The following COL5A1 variants were observed in gnomAD, a reference collection of about 807,000 sequenced individuals.
COL5A1 encodes collagen alpha-1(V) chain.
A neutral mutation model predicts 263.7 loss-of-function variants in COL5A1; 16 were observed. That is an observed-to-expected ratio of 0.06 (90% CI 0.04 to 0.09). COL5A1 has a LOEUF of 0.09. Among genes scored for constraint, COL5A1 ranks in the 10% least tolerant of loss-of-function variants. The probability of loss-of-function intolerance (pLI) is 1.00; values close to 1 mark genes in which losing one functional copy is unlikely to be tolerated. For missense variants in COL5A1, 2,036 were observed against 2,540.5 expected, an observed-to-expected ratio of 0.80 and a Z score of 4.27; for synonymous variants, 1,012 against 1,004.5, an observed-to-expected ratio of 1.01 and a Z score of -0.14.
chr9:134,767,760 C>G (rs909243309), intron 24 of COL5A1, among the ~76,000 whole-genome samples: 1 of 152,214 alleles, frequency 6.6e-6, no homozygotes, highest in Non-Finnish European at 1.5e-5. Flanking sequence ...CTACTGTGTC[C>G]TAGGCCCTGG....
chr9:134,808,519 G>C (rs899433657), intron 42 of COL5A1, among the ~76,000 whole-genome samples: 7 of 152,206 alleles, frequency 4.6e-5, no homozygotes, highest in Non-Finnish European at 8.8e-5. Context: ...ACATGTCAGT[G>C]TGCTTCTTTA....
At chr9:134,759,201 ACAC>A (rs1836111591) in intron 18 of COL5A1, among the ~76,000 whole-genome samples, 1 of 150,214 alleles carries the variant, frequency 6.7e-6, no homozygotes, top group South Asian at 2.1e-4. Flanking sequence ...ATGTGAGTGC[ACAC>A]CCCCCATGCA....
chr9:134,763,365 G>C (rs1429253043), intron 19 of COL5A1, among the ~76,000 whole-genome samples: 2 of 152,228 alleles, frequency 1.3e-5, no homozygotes, highest in Non-Finnish European at 2.9e-5. Flanking sequence ...CTGATGCCCT[G>C]TCCTGCCCCA....
intron 11 of COL5A1, among the ~76,000 whole-genome samples, chr9:134,744,465 A>G (rs187923301): frequency 6.6e-6 from 1 of 151,808 alleles, no homozygotes. Flanking sequence ...ACACTCACCT[A>G]TACATACACG....
rs1264898157 is a variant in COL5A1, at chr9:134,686,603, C to T, written c.110-4309C>T. Among the ~76,000 whole-genome samples the T allele has an allele frequency of 2.0e-5, 3 of 152,150 alleles. No individual in the cohort carries two copies. The highest frequency in any genetic ancestry group is 4.4e-5 in the Non-Finnish European group (3 of 68,038). Reference sequence around the variant, plus strand: ...TCTTCCTTAAAACTGACCTTGCTGGCGTCCATTCCTTTATAGGTCTGGGGA... The same window carrying T: ...TCTTCCTTAAAACTGACCTTGCTGGTGTCCATTCCTTTATAGGTCTGGGGA... On this transcript the variant is annotated intron_variant, in intron 1 of 65. Coordinates refer to ENST00000371817, the MANE Select transcript of COL5A1 (RefSeq NM_000093.5). This position sits in a 1 kb window ranked among gnomAD's most constrained non-coding sequence, Gnocchi z 4.6.
chr9:134,764,221 TA>T (rs1836574762), intron 20 of COL5A1, among the ~76,000 whole-genome samples: 1 of 92,086 alleles, frequency 1.1e-5, no homozygotes, highest in African/African-American at 4.3e-5. Flanking sequence ...GTAGGGGGTC[TA>T]GGGGCAACAT....
At position 134,758,943 on chromosome 9, in the gene COL5A1, A is replaced by G. The variant is rs1448605815; in HGVS notation, c.1935+647A>G. Among the ~76,000 whole-genome samples, 1 of 152,132 alleles carries G rather than the reference A, an allele frequency of 6.6e-6. No homozygotes were observed. The highest frequency in any genetic ancestry group is 1.5e-5 in the Non-Finnish European group (1 of 68,024). ...GCCCCTCGAATCTTGAATCTGTCTCAATAGACTGTGGTCTTCTTTCAATAA... is the reference window on the plus strand; with the variant it reads ...GCCCCTCGAATCTTGAATCTGTCTCGATAGACTGTGGTCTTCTTTCAATAA... On this transcript the variant is annotated intron_variant, in intron 18 of 65. Coordinates refer to ENST00000371817, the MANE Select transcript of COL5A1 (RefSeq NM_000093.5). The surrounding 1 kb of genome is among the most constrained non-coding windows in gnomAD (Gnocchi z 4.1).
intron 4 of COL5A1, among the ~76,000 whole-genome samples, chr9:134,706,444 T>C (rs1833841295): frequency 6.6e-6 from 1 of 152,186 alleles, no homozygotes; most frequent in Non-Finnish European, 1.5e-5. Flanking sequence ...GCATGGGGCA[T>C]CCTGCAGAAG....
At chr9:134,659,165 G>C (rs557542055) in intron 1 of COL5A1, among the ~76,000 whole-genome samples, 2 of 149,134 alleles carry the variant, frequency 1.3e-5, no homozygotes, top group Non-Finnish European at 3.0e-5. Context: ...AGGCTGAAGC[G>C]GGTGGATCAC....
At chr9:134,785,188 T>A in intron 30 of COL5A1, 92 bp downstream of exon 30, 1 of 996,358 alleles carries the variant, frequency 1.0e-6, no homozygotes, top group Non-Finnish European at 1.6e-6. Flanking sequence ...GTGGCTGCCC[T>A]AGGCATGGGG....
chr9:134,763,945 A>C (rs1470730731), intron 20 of COL5A1, among the ~76,000 whole-genome samples: 1 of 147,314 alleles, frequency 6.8e-6, no homozygotes, highest in Non-Finnish European at 1.5e-5. Flanking sequence ...AGGAAGTCTG[A>C]GCCTGCCTAC....
At chr9:134,735,821 G>A (rs527919042) in intron 9 of COL5A1, among the ~76,000 whole-genome samples, 5 of 152,382 alleles carry the variant, frequency 3.3e-5, no homozygotes, top group South Asian at 2.1e-4. Flanking sequence ...GCACACACAC[G>A]GGTGTCTCTC....
chr9:134,801,292 C>T (rs916228266), intron 37 of COL5A1, among the ~76,000 whole-genome samples: 2 of 152,378 alleles, frequency 1.3e-5, no homozygotes, highest in Admixed American at 6.5e-5. Flanking sequence ...CGTCGTGCAT[C>T]AGAGGCGTTC....
At chr9:134,717,473 A>T (rs1834308706) in intron 4 of COL5A1, among the ~76,000 whole-genome samples, 1 of 152,188 alleles carries the variant, frequency 6.6e-6, no homozygotes, top group Admixed American at 6.5e-5. Context: ...TCAGCCAGCA[A>T]GGGGCAGGAT....
chr9:134,717,528 C>T (rs1172328832), intron 4 of COL5A1, among the ~76,000 whole-genome samples: 3 of 152,200 alleles, frequency 2.0e-5, no homozygotes, highest in African/African-American at 4.8e-5. Context: ...CCTAGCGCTG[C>T]CCGTGGCTCT....
At position 134,774,840 on chromosome 9, in the gene COL5A1, T is replaced by A; in HGVS notation, c.2332-19T>A. On this transcript the variant is annotated intron_variant, in intron 26 of 65. Transcript: ENST00000371817. ...CCACACTGGCATGGGGCTAACGGTC[T>A]TTTTCTGTTTGGTTTTAGGGTCCAC... The A allele has an allele frequency of 6.2e-7, 1 of 1,612,880 alleles. No homozygotes were observed. The highest frequency in any genetic ancestry group is 8.5e-7 in the Non-Finnish European group (1 of 1,179,480).
At chr9:134,812,268 C>T (rs1003484338) in intron 46 of COL5A1, among the ~76,000 whole-genome samples, 181 bp from the exon 47 acceptor site, 8 of 152,170 alleles carry the variant, frequency 5.3e-5, no homozygotes, top group Admixed American at 3.3e-4. Flanking sequence ...CTTATTTCCT[C>T]GGGCCGATTC....
chr9:134,746,936 T>G (rs1402927128), intron 11 of COL5A1, among the ~76,000 whole-genome samples: 3 of 152,226 alleles, frequency 2.0e-5, no homozygotes, highest in Admixed American at 2.0e-4. Context: ...CCGTGCTTTG[T>G]GTCATGAAAA....
At chr9:134,646,742 T>G (rs1425231085) in intron 1 of COL5A1, among the ~76,000 whole-genome samples, 1 of 152,096 alleles carries the variant, frequency 6.6e-6, no homozygotes, top group East Asian at 1.9e-4. Context: ...TGGGGGCCTC[T>G]GGGGGTGATT....
Sources: gnomAD v4.1 joint callset for allele counts (sites outside exome capture counted in the v4.1 genomes callset) on GRCh38, gnomAD v4.1.1 for gene constraint, Gnocchi (gnomAD v3.1) non-coding constraint, MANE v1.5 for transcripts, NCBI Gene and HGNC (gene_info 2026-07-23, HGNC 2026-07-21) for gene names.